The following MAST2 variants were observed in gnomAD, a reference collection of about 807,000 sequenced individuals.
The protein encoded by MAST2 is microtubule-associated serine/threonine-protein kinase 2.
A neutral mutation model predicts 147.4 loss-of-function variants in MAST2; 70 were observed. The ratio of observed to expected loss-of-function variants is 0.47; its 90% CI spans 0.39 to 0.58. MAST2 has a LOEUF of 0.58. MAST2 is among the 20% of genes least tolerant of loss of function. The pLI, the probability that MAST2 is intolerant of heterozygous loss-of-function variation, is 0.00. For missense variants in MAST2, 2,080 were observed against 2,302.3 expected, an observed-to-expected ratio of 0.90 and a Z score of 1.98; for synonymous variants, 869 against 896.8, an observed-to-expected ratio of 0.97 and a Z score of 0.55.
chr1:46,006,422 C>T, intron 8 of MAST2, 27 bp downstream of exon 8: 1 of 1,600,124 alleles, frequency 6.2e-7, no homozygotes, highest in Non-Finnish European at 8.5e-7. Flanking sequence ...CCCACTGTTC[C>T]AGTGCATGTG....
intron 3 of MAST2, among the ~76,000 whole-genome samples, chr1:45,866,411 T>C (rs1646153508): frequency 6.6e-6 from 1 of 152,224 alleles, no homozygotes. Flanking sequence ...TAGTGATGTA[T>C]GTTCAAGCAG....
At chr1:45,939,542 T>TGG (rs869310576) in intron 4 of MAST2, among the ~76,000 whole-genome samples, 56 of 134,160 alleles carry the variant, frequency 4.2e-4, no homozygotes, top group South Asian at 2.7e-3. Flanking sequence ...AATTTTTTTT[T>TGG]GGGGGGGTGG....
chr1:46,025,827 G>C lies in MAST2; in HGVS notation c.1919+12G>C. ...CTCAAGCCTGACAAGTATGTCCACA[G>C]TCTGTGTCCCTTGTCCAGGGTCTCC... On this transcript the variant is annotated intron_variant, in intron 16 of 28. Coordinates refer to ENST00000361297, the MANE Select transcript of MAST2 (RefSeq NM_015112.3). 3 of 1,614,202 alleles carry C rather than the reference G, an allele frequency of 1.9e-6. No homozygotes were observed. Among genetic ancestry groups the C allele is most frequent in the Non-Finnish European group, 2.5e-6 (3 of 1,180,028 alleles).
chr1:45,947,768 G>A (rs1658296020), intron 4 of MAST2, among the ~76,000 whole-genome samples: 1 of 152,180 alleles, frequency 6.6e-6, no homozygotes. Flanking sequence ...CCAAGCTGGA[G>A]TGTAGAGGGC....
At chr1:45,888,720 C>T (rs1185877376) in intron 4 of MAST2, among the ~76,000 whole-genome samples, 3 of 101,030 alleles carry the variant, frequency 3.0e-5, no homozygotes, top group African/African-American at 3.9e-5. Flanking sequence ...CTTGCTCTCT[C>T]GCCCAGGCTG....
intron 3 of MAST2, among the ~76,000 whole-genome samples, chr1:45,844,805 G>A (rs1176389934): frequency 6.6e-6 from 1 of 152,110 alleles, no homozygotes; most frequent in Non-Finnish European, 1.5e-5. Context: ...CGTCCGTTTT[G>A]TGCTGCTATG....
chr1:46,032,027 G>A (rs759353388), intron 24 of MAST2, 151 bp from the exon 25 acceptor site: 51 of 649,374 alleles, frequency 7.9e-5, no homozygotes, highest in Non-Finnish European at 1.2e-4. Flanking sequence ...GTCTGGACAC[G>A]GGAGAGGGCT....
At chr1:45,937,674 C>T (rs1410179272) in intron 4 of MAST2, among the ~76,000 whole-genome samples, 2 of 142,874 alleles carry the variant, frequency 1.4e-5, no homozygotes, top group Non-Finnish European at 3.0e-5. Context: ...ATCACTTGAA[C>T]CCGGGAGGTG....
intron 4 of MAST2, among the ~76,000 whole-genome samples, chr1:45,935,455 A>T (rs1299594346): frequency 6.6e-6 from 1 of 152,108 alleles, no homozygotes; most frequent in African/African-American, 2.4e-5. Context: ...TGTCTTCATC[A>T]TGAAGTCTTC....
At chr1:45,820,209 T>C (rs1258766328) in intron 1 of MAST2, among the ~76,000 whole-genome samples, 1 of 152,178 alleles carries the variant, frequency 6.6e-6, no homozygotes, top group Non-Finnish European at 1.5e-5. Flanking sequence ...ATCAAAAATG[T>C]ATTAAAGATT....
chr1:45,872,101 G>A (rs1037546261), intron 3 of MAST2, among the ~76,000 whole-genome samples: 15 of 152,168 alleles, frequency 9.9e-5, no homozygotes, highest in Admixed American at 2.6e-4. Flanking sequence ...CCAATGGAGT[G>A]GATTATTGGG....
chr1:46,023,902 G>A lies in MAST2; in HGVS notation c.1702G>A (p.Glu568Lys). ...GGAGCGTGACATACTGACTTTCGCT[G>A]AGAACCCCTTTGTGGTCAGCATGTT... ...FVERDILTFAENPFVVSMFCS... is the reference protein window; with the variant it reads ...FVERDILTFAKNPFVVSMFCS... The change falls in exon 15 of 29, where the codon GAG (glutamate) becomes AAG (lysine). Residue 568 changes from glutamate (E) to lysine (K), a missense_variant. Coordinates refer to ENST00000361297, the MANE Select transcript of MAST2 (RefSeq NM_015112.3). The surrounding 1 kb of genome is among the most constrained non-coding windows in gnomAD (Gnocchi z 4.9). 6.2e-7 allele frequency: 1 copy of A among 1,614,214 alleles called. No homozygotes were observed.
chr1:45,824,713 T>A, intron 2 of MAST2, 133 bp downstream of exon 2: 1 of 866,486 alleles, frequency 1.2e-6, no homozygotes, highest in Non-Finnish European at 1.7e-6. Flanking sequence ...ATGGTAAGGC[T>A]GTCTTCCTCT....
At chr1:45,917,896 G>A (rs981725892) in intron 4 of MAST2, among the ~76,000 whole-genome samples, 1 of 152,160 alleles carries the variant, frequency 6.6e-6, no homozygotes, top group African/African-American at 2.4e-5. Flanking sequence ...TCCAAAACAA[G>A]TTAAATGGTT....
intron 5 of MAST2, among the ~76,000 whole-genome samples, chr1:45,981,415 G>A (rs899240024): frequency 6.6e-6 from 1 of 152,074 alleles, no homozygotes; most frequent in Non-Finnish European, 1.5e-5. Context: ...CAGGGGGCTA[G>A]GGAATGGGGG....
intron 3 of MAST2, among the ~76,000 whole-genome samples, chr1:45,870,871 G>A (rs1204429422): frequency 1.3e-5 from 2 of 151,942 alleles, no homozygotes; most frequent in African/African-American, 4.8e-5. Context: ...CGATGCTGCC[G>A]TGAGCCATGA....
At chr1:45,968,691 T>C (rs1369912482) in intron 5 of MAST2, among the ~76,000 whole-genome samples, 1 of 152,062 alleles carries the variant, frequency 6.6e-6, no homozygotes, top group Admixed American at 6.5e-5. Flanking sequence ...TCTGAATTTA[T>C]CCTGCTTGGT....
intron 2 of MAST2, among the ~76,000 whole-genome samples, chr1:45,827,253 T>G (rs1644822392): frequency 6.6e-6 from 1 of 152,224 alleles, no homozygotes. Context: ...ATTATAAGAA[T>G]AGTAATTAGA....
At chr1:45,851,271 C>G (rs1645615385) in intron 3 of MAST2, among the ~76,000 whole-genome samples, 1 of 152,054 alleles carries the variant, frequency 6.6e-6, no homozygotes, top group Non-Finnish European at 1.5e-5. Flanking sequence ...TGGCTCTCAG[C>G]TTGAATGTTA....
Sources: allele counts gnomAD v4.1 joint callset (sites outside exome capture counted in the v4.1 genomes callset), GRCh38; gene constraint gnomAD v4.1.1; non-coding constraint Gnocchi (gnomAD v3.1); transcripts MANE v1.5; gene names NCBI Gene and HGNC (gene_info 2026-07-23, HGNC 2026-07-21).